EGFLAM: variants seen among roughly 807,000 people sequenced by gnomAD.
EGFLAM encodes EGF like, fibronectin type III and laminin G domains.
Under a neutral mutation model 113.1 loss-of-function variants are expected in EGFLAM, and 79 were observed. That is an observed-to-expected ratio of 0.70 (90% CI 0.58 to 0.84). EGFLAM has a LOEUF of 0.84. Among genes scored for constraint, EGFLAM ranks in the 40% least tolerant of loss-of-function variants. The pLI is 0.00. For synonymous variants in EGFLAM, 504 were observed against 487.6 expected, an observed-to-expected ratio of 1.03 and a Z score of -0.44; for missense variants, 1,265 against 1,291.6, an observed-to-expected ratio of 0.98 and a Z score of 0.32.
At chr5:38,307,880 G>C (rs1385269853) in intron 1 of EGFLAM, among the ~76,000 whole-genome samples, 1 of 152,160 alleles carries the variant, frequency 6.6e-6, no homozygotes, top group Non-Finnish European at 1.5e-5. Flanking sequence ...TGGCCTTGCT[G>C]CCCAGTCCAG....
At chr5:38,318,750 C>T (rs1381117707) in intron 1 of EGFLAM, among the ~76,000 whole-genome samples, 1 of 152,046 alleles carries the variant, frequency 6.6e-6, no homozygotes, top group Non-Finnish European at 1.5e-5. Flanking sequence ...GTGATCTACC[C>T]GCATCGGCCT....
intron 1 of EGFLAM, among the ~76,000 whole-genome samples, chr5:38,265,677 T>A (rs1757615617): frequency 6.6e-6 from 1 of 152,220 alleles, no homozygotes; most frequent in Admixed American, 6.5e-5. Context: ...TTTGCTTCCT[T>A]GCAGAACCCC....
chr5:38,418,480 G>C (rs1009922539), intron 12 of EGFLAM, among the ~76,000 whole-genome samples: 2 of 152,180 alleles, frequency 1.3e-5, no homozygotes, highest in Admixed American at 6.5e-5. Context: ...ACAGTATGGT[G>C]CACCAAACCC....
chr5:38,410,439 T>C (rs1194477204), intron 10 of EGFLAM, among the ~76,000 whole-genome samples: 1 of 152,162 alleles, frequency 6.6e-6, no homozygotes, highest in Non-Finnish European at 1.5e-5. Context: ...CTCTTCAGGG[T>C]AAGCCTGTTT....
In EGFLAM at chr5:38,352,342, A is replaced by C; in HGVS notation, c.545+11A>C. ...TGTGGAATTCATCAGGTAAGTCTGT[A>C]TGTCACATTCAAAAGCCAAATGTGT... On this transcript the variant is annotated intron_variant, in intron 5 of 21. Transcript: ENST00000322350. 6.2e-7 allele frequency: 1 copy of C among 1,613,572 alleles called. No individual in the cohort carries two copies. Among genetic ancestry groups the C allele is most frequent in the Non-Finnish European group, 8.5e-7 (1 of 1,179,662 alleles).
intron 11 of EGFLAM, among the ~76,000 whole-genome samples, chr5:38,413,963 A>T (rs1579896055): frequency 6.6e-6 from 1 of 152,212 alleles, no homozygotes; most frequent in Non-Finnish European, 1.5e-5. Flanking sequence ...CTAATGGCAC[A>T]GCTGATCTGA....
At chr5:38,280,080 A>G (rs990779986) in intron 1 of EGFLAM, among the ~76,000 whole-genome samples, 2 of 152,222 alleles carry the variant, frequency 1.3e-5, no homozygotes, top group Non-Finnish European at 2.9e-5. Flanking sequence ...ATAGATATAT[A>G]ATAAAGCCAG....
intron 1 of EGFLAM, among the ~76,000 whole-genome samples, chr5:38,278,539 A>G (rs1206426489): frequency 6.6e-6 from 1 of 150,744 alleles, no homozygotes; most frequent in Non-Finnish European, 1.5e-5. Flanking sequence ...CTCAGGCTGG[A>G]GTGCAGTGGC....
intron 15 of EGFLAM, among the ~76,000 whole-genome samples, chr5:38,433,140 C>T (rs1742239190): frequency 2.6e-5 from 4 of 152,290 alleles, no homozygotes; most frequent in East Asian, 1.9e-4. Flanking sequence ...ATATCATGTT[C>T]GAAGTGTGGC....
chr5:38,285,125 A>G (rs1423809430), intron 1 of EGFLAM, among the ~76,000 whole-genome samples: 2 of 152,070 alleles, frequency 1.3e-5, no homozygotes, highest in Non-Finnish European at 2.9e-5. Flanking sequence ...ATATTTTTTC[A>G]CTTCAAAATA....
rs904486478 is a variant in EGFLAM at position 38,296,511 on chromosome 5, C to T, written c.97+37660C>T. Among the ~76,000 whole-genome samples the T allele has an allele frequency of 3.3e-5, 5 of 151,822 alleles. No individual in the cohort carries two copies. In the South Asian group the frequency reaches 1.0e-3, roughly 32 times the overall value. ...CAGTAGAATTCCAACTAATAAACAT[C>T]AAAGGAATAAGGGAAATAGAAAATC... On this transcript the variant is annotated intron_variant, in intron 1 of 21. Transcript: ENST00000322350.
At position 38,262,840 on chromosome 5, in the gene EGFLAM, C is replaced by A. The variant is rs1021707451; in HGVS notation, c.97+3989C>A. Among the ~76,000 whole-genome samples the A allele has an allele frequency of 1.4e-4, 21 of 152,170 alleles. 1 individual carries two copies. The highest frequency in any genetic ancestry group is 2.6e-4 in the Admixed American group (4 of 15,280). ...ATATGTTTCCATTTCTCTTGATAAACAGAAGGAGTGGGATCACTGCATCAC... is the reference window on the plus strand; with the variant it reads ...ATATGTTTCCATTTCTCTTGATAAAAAGAAGGAGTGGGATCACTGCATCAC... On this transcript the variant is annotated intron_variant, in intron 1 of 21. Coordinates refer to ENST00000322350, the MANE Select transcript of EGFLAM (RefSeq NM_152403.4).
At chr5:38,316,548 T>C (rs1490765822) in intron 1 of EGFLAM, among the ~76,000 whole-genome samples, 1 of 152,244 alleles carries the variant, frequency 6.6e-6, no homozygotes, top group Non-Finnish European at 1.5e-5. Context: ...CTCCAAGAAC[T>C]GCTACTGACA....
chr5:38,432,674 G>T (rs1218203998), intron 15 of EGFLAM, among the ~76,000 whole-genome samples: 1 of 152,158 alleles, frequency 6.6e-6, no homozygotes, highest in East Asian at 1.9e-4. Flanking sequence ...AAATCCAATT[G>T]TATCTCTATA....
rs149437052 is a variant in EGFLAM, at chr5:38,324,658, G to GA, written c.98-12850dup. Among the ~76,000 whole-genome samples the GA allele has an allele frequency of 5.3e-4, 76 of 144,664 alleles. 1 individual carries two copies. The highest frequency in any genetic ancestry group is 4.8e-3 in the South Asian group (22 of 4,560). 94.9% of individuals were successfully genotyped at this position (144,664 alleles called of 152,430 possible). The stretch of plus-strand genomic sequence containing the variant: ...TGTGCTGCACTCAACTGCTTTACAG[G>GA]AAAAAAAAAAAAGTTTCATTTACAA... On this transcript the variant is annotated intron_variant, in intron 1 of 21. Coordinates refer to ENST00000322350, the MANE Select transcript of EGFLAM (RefSeq NM_152403.4).
chr5:38,280,431 A>G (rs1038758868), intron 1 of EGFLAM, among the ~76,000 whole-genome samples: 2 of 152,186 alleles, frequency 1.3e-5, no homozygotes, highest in African/African-American at 4.8e-5. Context: ...CTTTGGGTTT[A>G]GCCAATGGGA....
chr5:38,302,617 C>T (rs908203354), intron 1 of EGFLAM, among the ~76,000 whole-genome samples: 1 of 151,796 alleles, frequency 6.6e-6, no homozygotes, highest in Non-Finnish European at 1.5e-5. Flanking sequence ...GGTTCATTTT[C>T]CCCCAACAGT....
intron 1 of EGFLAM, among the ~76,000 whole-genome samples, chr5:38,313,114 T>C (rs1297329156): frequency 6.6e-6 from 1 of 152,086 alleles, no homozygotes; most frequent in Non-Finnish European, 1.5e-5. Flanking sequence ...ATAAAATAAG[T>C]AAATAAAATA....
At chr5:38,449,662 G>A (rs1742841953) in intron 18 of EGFLAM, among the ~76,000 whole-genome samples, 2 of 150,720 alleles carry the variant, frequency 1.3e-5, no homozygotes. Flanking sequence ...GTGTATGTGT[G>A]TGTGCGCATG....
Sources: allele counts gnomAD v4.1 joint callset (sites outside exome capture counted in the v4.1 genomes callset), GRCh38; gene constraint gnomAD v4.1.1; transcripts MANE v1.5; gene names NCBI Gene and HGNC (gene_info 2026-07-23, HGNC 2026-07-21).